The following SUCO variants were observed in gnomAD, a reference collection of about 807,000 sequenced individuals.
SUCO encodes SUN domain-containing ossification factor.
A neutral mutation model predicts 148.1 loss-of-function variants in SUCO; 57 were observed. The observed-to-expected ratio is 0.38, with a 90% CI of 0.31 to 0.48. The LOEUF (loss-of-function observed/expected upper bound fraction) is 0.48. SUCO is among the 20% of genes least tolerant of loss of function. The pLI is 0.96. For missense variants in SUCO, 1,331 were observed against 1,468.2 expected (o/e 0.91, Z 1.53); for synonymous variants, 470 against 502.7 (o/e 0.93, Z 0.87).
intron 7 of SUCO, among the ~76,000 whole-genome samples, chr1:172,569,665 C>T (rs1208585616): frequency 6.6e-6 from 1 of 151,730 alleles, no homozygotes; most frequent in African/African-American, 2.4e-5. Flanking sequence ...TGTAACAAAC[C>T]TGCACATCTT....
chr1:172,574,025 G>T, intron 10 of SUCO, 27 bp downstream of exon 10: 2 of 1,297,660 alleles, frequency 1.5e-6, no homozygotes, highest in Non-Finnish European at 2.2e-6. Flanking sequence ...TTTCTATAGG[G>T]TCTATGTTGG....
chr1:172,534,849 G>C (rs976983648), intron 1 of SUCO, among the ~76,000 whole-genome samples: 1 of 151,984 alleles, frequency 6.6e-6, no homozygotes, highest in Non-Finnish European at 1.5e-5. Context: ...TTTCTTCTTG[G>C]TCTTGCCCAT....
Position 172,551,517 on chromosome 1 carries a change from C to G in SUCO, c.68C>G (p.Pro23Arg), listed in dbSNP as rs768503138. The change falls in exon 2 of 24, where the codon CCC becomes CGC. Residue 23 changes from proline (P) to arginine (R), a missense_variant. This residue lies in a region of SUCO where 992 missense variants were observed against 1,093.5 expected (regional missense o/e 0.91). Coordinates refer to ENST00000263688, the MANE Select transcript of SUCO (RefSeq NM_014283.5). ...TGGTGGTGGGTGTTTTACAGGCTTCCCAGCTGGCGTGTATGTTGTAAAGAG... is the reference window on the plus strand; with the variant it reads ...TGGTGGTGGGTGTTTTACAGGCTTCGCAGCTGGCGTGTATGTTGTAAAGAG... ...CLFLCSLVWL[P>R]SWRVCCKESS... is the part of the protein sequence containing the mutation. The G allele has an allele frequency of 3.1e-6, 5 of 1,592,646 alleles. No individual in the cohort carries two copies. The highest frequency in any genetic ancestry group is 4.3e-6 in the Non-Finnish European group (5 of 1,170,076).
chr1:172,580,494 G>T (rs1364657509), intron 15 of SUCO, among the ~76,000 whole-genome samples: 1 of 152,102 alleles, frequency 6.6e-6, no homozygotes, highest in South Asian at 2.1e-4. Context: ...AGGAGTGAAA[G>T]AAATGTCTTA....
In SUCO at chr1:172,577,799, T is replaced by C. The variant is rs1441825808; in HGVS notation, c.1320T>C (p.Phe440=). 4.3e-6 allele frequency: 7 copies of C among 1,611,654 alleles called. No individual in the cohort carries two copies. In the South Asian group the frequency reaches 4.4e-5, roughly 10 times the overall value. ...TATCACATTTTGGATCAGAGCACTT[T>C]TGTCCATTAAGCCTTATAAGGTAAT... ...ELLSHFGSEH[F]CPLSLIRVFG... is the part of the protein sequence containing the mutation. Residue 440 remains phenylalanine, a synonymous_variant, in exon 13 of 24, where the codon TTT becomes TTC. Coordinates refer to ENST00000263688, the MANE Select transcript of SUCO (RefSeq NM_014283.5).
At chr1:172,597,571 G>A (rs1330835469) in intron 19 of SUCO, among the ~76,000 whole-genome samples, 2 of 151,868 alleles carry the variant, frequency 1.3e-5, no homozygotes, top group African/African-American at 2.4e-5. Flanking sequence ...AAGTAAGAAC[G>A]GCTTTGTTTC....
chr1:172,540,594 G>C (rs1297879508), intron 1 of SUCO, among the ~76,000 whole-genome samples: 1 of 152,202 alleles, frequency 6.6e-6, no homozygotes, highest in Admixed American at 6.5e-5. Flanking sequence ...TGCTTAAGAG[G>C]AGAAAATGAG....
chr1:172,568,182 TC>T (rs1459900641), intron 6 of SUCO, among the ~76,000 whole-genome samples: 1 of 152,244 alleles, frequency 6.6e-6, no homozygotes, highest in African/African-American at 2.4e-5. Context: ...ATGAAACTGG[TC>T]CCTGGTTTCA....
At chr1:172,586,001 A>T (rs1656212271) in intron 17 of SUCO, 53 bp downstream of exon 17, 2 of 1,151,508 alleles carry the variant, frequency 1.7e-6, no homozygotes, top group Admixed American at 4.6e-5. Context: ...AGAGATAAGT[A>T]TATTAGTATA....
At chr1:172,601,929 C>A in intron 20 of SUCO, 135 bp from the exon 21 acceptor site, 1 of 805,110 alleles carries the variant, frequency 1.2e-6, no homozygotes, top group Non-Finnish European at 1.8e-6. Context: ...TTTCAAAGAG[C>A]ATGCCCTGCA....
intron 1 of SUCO, among the ~76,000 whole-genome samples, chr1:172,543,355 G>A (rs1286585847): frequency 6.6e-6 from 1 of 152,136 alleles, no homozygotes; most frequent in Non-Finnish European, 1.5e-5. Flanking sequence ...GAAAATTAAG[G>A]TAACAAAACT....
intron 22 of SUCO, among the ~76,000 whole-genome samples, chr1:172,604,287 A>G (rs758263660): frequency 8.6e-5 from 13 of 151,876 alleles, no homozygotes; most frequent in Non-Finnish European, 1.8e-4. Context: ...AATTACTTCT[A>G]TTTTAAACAA....
rs141965528 is a variant in SUCO, at chr1:172,597,260, T to A, written c.2914-2804T>A. ...CGGGTGTGGCGGTGCCCCGCCCTGC[T>A]TTGGCTCACACTCCATGGGCTGCAC... On this transcript the variant is annotated intron_variant, in intron 19 of 23. Transcript: ENST00000263688. Among the ~76,000 whole-genome samples, 1,454 of 152,316 alleles carry A rather than the reference T, an allele frequency of 9.5e-3. 25 individuals carry two copies. The highest frequency in any genetic ancestry group is 0.033 in the African/African-American group (1,387 of 41,554).
intron 23 of SUCO, 148 bp from the exon 24 acceptor site, chr1:172,609,668 A>G: frequency 6.9e-7 from 1 of 1,445,216 alleles, no homozygotes; most frequent in South Asian, 1.5e-5. Context: ...TATATAGAAC[A>G]TAACAATGTA....
intron 6 of SUCO, 43 bp downstream of exon 6, chr1:172,557,837 G>A: frequency 6.9e-7 from 1 of 1,448,260 alleles, no homozygotes; most frequent in Middle Eastern, 2.2e-4. Context: ...TTTATGTAAT[G>A]CATTTTTGTT....
chr1:172,597,229 A>G (rs974416942), intron 19 of SUCO, among the ~76,000 whole-genome samples: 2 of 152,224 alleles, frequency 1.3e-5, no homozygotes, highest in African/African-American at 2.4e-5. Flanking sequence ...TCACCCTTGC[A>G]CTTCCCGGGT....
intron 19 of SUCO, among the ~76,000 whole-genome samples, chr1:172,591,764 G>A (rs1374521552): frequency 1.3e-5 from 2 of 152,186 alleles, no homozygotes; most frequent in African/African-American, 4.8e-5. Flanking sequence ...CTTTATAGCA[G>A]CATGATTTAT....
chr1:172,532,946 C>T (rs1424786121), upstream of SUCO: 6 of 1,361,100 alleles, frequency 4.4e-6, no homozygotes, highest in East Asian at 5.0e-5. Context: ...CCGGCTTCTC[C>T]GCCTGCGACG....
At chr1:172,541,876 A>G (rs1652485781) in intron 1 of SUCO, 1 of 974,784 alleles carries the variant, frequency 1.0e-6, no homozygotes, top group Non-Finnish European at 1.2e-6. Flanking sequence ...CAATGAGAAA[A>G]GAAATGTTAA....
Sources: gnomAD v4.1 joint callset for allele counts (sites outside exome capture counted in the v4.1 genomes callset) on GRCh38, gnomAD v4.1.1 for gene constraint, gnomAD v4.1.1 regional missense constraint, MANE v1.5 for transcripts, NCBI Gene and HGNC (gene_info 2026-07-23, HGNC 2026-07-21) for gene names.